RPA3: variants seen among roughly 807,000 people sequenced by gnomAD.
The protein encoded by RPA3 is replication protein A3.
A neutral mutation model predicts 13.7 loss-of-function variants in RPA3; 24 were observed. The observed-to-expected ratio is 1.75, with a 90% CI of 1.27 to 2.46. RPA3 has a LOEUF of 2.46. RPA3 is among the 30% of genes most tolerant of loss of function. The pLI is 0.00. For missense variants in RPA3, 183 were observed against 151.0 expected, an observed-to-expected ratio of 1.21 and a Z score of -1.11; for synonymous variants, 59 against 51.2, an observed-to-expected ratio of 1.15 and a Z score of -0.65.
chr7:7,700,745 A>C (rs1780440226), intron 2 of RPA3, among the ~76,000 whole-genome samples: 1 of 152,128 alleles, frequency 6.6e-6, no homozygotes. Flanking sequence ...AAAATTAGCC[A>C]GGCATGGTGG....
At chr7:7,706,281 T>C (rs1583757911) in intron 2 of RPA3, among the ~76,000 whole-genome samples, 1 of 152,252 alleles carries the variant, frequency 6.6e-6, no homozygotes, top group East Asian at 1.9e-4. Flanking sequence ...TATCTGTTGG[T>C]ACAGATTTTG....
At chr7:7,642,878 T>C (rs1341275426) in intron 4 of RPA3, among the ~76,000 whole-genome samples, 1 of 152,236 alleles carries the variant, frequency 6.6e-6, no homozygotes, top group African/African-American at 2.4e-5. Flanking sequence ...TTATCACACA[T>C]GCAGGCGTTG....
In RPA3 at chr7:7,640,817, C is replaced by T. The variant is rs1483372963; in HGVS notation, c.-399G>A. 1 of 201,560 alleles carries T rather than the reference C, an allele frequency of 5.0e-6. No homozygotes were observed. Among genetic ancestry groups the T allele is most frequent in the East Asian group, 1.6e-4 (1 of 6,304 alleles). 12.5% of individuals were successfully genotyped at this position (201,560 alleles called of 1,614,324 possible). A position where few individuals can be genotyped will look rare whatever the true frequency, so the allele number is the denominator to read the frequency against. ...TGCGGCGGGGGACTGCGGGGCCAGC[C>T]TCAGGTACCTCGTCTCGCGGGAGGC... On this transcript the variant is annotated 5_prime_UTR_variant, in exon 5 of 8. Transcript: ENST00000223129.
intron 7 of RPA3, among the ~76,000 whole-genome samples, chr7:7,637,620 T>A (rs527958738): frequency 6.6e-6 from 1 of 151,090 alleles, no homozygotes; most frequent in African/African-American, 2.4e-5. Context: ...ATGTAATACA[T>A]ACAATTTTGT....
chr7:7,705,883 G>A (rs1384884791), intron 2 of RPA3, among the ~76,000 whole-genome samples: 2 of 152,136 alleles, frequency 1.3e-5, no homozygotes, highest in African/African-American at 2.4e-5. Context: ...GGGTGTGCAT[G>A]TGTAGGGGCA....
chr7:7,703,305 A>G (rs1196694874), intron 2 of RPA3, among the ~76,000 whole-genome samples: 1 of 152,184 alleles, frequency 6.6e-6, no homozygotes, highest in Non-Finnish European at 1.5e-5. Flanking sequence ...GTGTGTTCTC[A>G]TTTAAGGTTG....
At chr7:7,673,711 C>T (rs78026790) in intron 4 of RPA3, among the ~76,000 whole-genome samples, 7,860 of 88,412 alleles carry the variant, frequency 0.089, 688 homozygotes, top group African/African-American at 0.27. Flanking sequence ...TTTTCCCCCC[C>T]TTTTTTTTTT....
At chr7:7,668,733 T>C (rs886726) in intron 4 of RPA3, among the ~76,000 whole-genome samples, 89,349 of 152,130 alleles carry the variant, frequency 0.59, 26,476 homozygotes, top group East Asian at 0.8. Context: ...AACATTGAAA[T>C]GAATGTTAGT....
intron 4 of RPA3, among the ~76,000 whole-genome samples, chr7:7,672,794 G>C (rs938821619): frequency 5.3e-5 from 8 of 152,182 alleles, no homozygotes; most frequent in African/African-American, 1.9e-4. Flanking sequence ...CTTCATAGCA[G>C]TGTGAGAATG....
At chr7:7,691,732 T>C (rs958113229) in intron 2 of RPA3, among the ~76,000 whole-genome samples, 2 of 152,208 alleles carry the variant, frequency 1.3e-5, no homozygotes, top group Non-Finnish European at 1.5e-5. Flanking sequence ...GACTGACAAA[T>C]CCCTAATTTA....
chr7:7,666,545 A>G (rs1309186878), intron 4 of RPA3, among the ~76,000 whole-genome samples: 2 of 152,082 alleles, frequency 1.3e-5, no homozygotes, highest in South Asian at 2.1e-4. Flanking sequence ...TTTAATAGGT[A>G]TATAATGGTA....
At chr7:7,688,301 G>T (rs1362860785) in intron 2 of RPA3, among the ~76,000 whole-genome samples, 1 of 152,172 alleles carries the variant, frequency 6.6e-6, no homozygotes, top group African/African-American at 2.4e-5. Flanking sequence ...GAGAGTTGTT[G>T]TCAGGTGGGG....
At chr7:7,698,103 A>C (rs748289996) in intron 2 of RPA3, among the ~76,000 whole-genome samples, 2 of 152,216 alleles carry the variant, frequency 1.3e-5, no homozygotes, top group Non-Finnish European at 2.9e-5. Flanking sequence ...AATACTTACT[A>C]AATGCCCATG....
intron 2 of RPA3, among the ~76,000 whole-genome samples, chr7:7,699,852 G>A (rs1489465936): frequency 2.0e-5 from 3 of 152,178 alleles, no homozygotes; most frequent in African/African-American, 7.2e-5. Flanking sequence ...TCTAAACTGA[G>A]CTCTGGGTTA....
intron 2 of RPA3, among the ~76,000 whole-genome samples, chr7:7,687,538 G>A (rs1780068016): frequency 6.6e-6 from 1 of 152,166 alleles, no homozygotes; most frequent in African/African-American, 2.4e-5. Flanking sequence ...AGACTGGAAG[G>A]CCGATCTATG....
At chr7:7,690,536 T>C (rs1371145749) in intron 2 of RPA3, among the ~76,000 whole-genome samples, 1 of 152,188 alleles carries the variant, frequency 6.6e-6, no homozygotes, top group Non-Finnish European at 1.5e-5. Context: ...TGCAGTTTTT[T>C]AATATTTTGC....
chr7:7,659,244 TA>T (rs1323084673), intron 4 of RPA3, among the ~76,000 whole-genome samples: 1 of 152,110 alleles, frequency 6.6e-6, no homozygotes, highest in Non-Finnish European at 1.5e-5. Flanking sequence ...GTTGATCTTT[TA>T]AAAAAGCCAG....
At chr7:7,658,236 T>C (rs1563092081) in intron 4 of RPA3, among the ~76,000 whole-genome samples, 2 of 152,260 alleles carry the variant, frequency 1.3e-5, no homozygotes, top group Non-Finnish European at 1.5e-5. Flanking sequence ...TTTCTAAATA[T>C]ACAATCATGT....
At chr7:7,672,349 T>C (rs1252721922) in intron 4 of RPA3, among the ~76,000 whole-genome samples, 1 of 152,154 alleles carries the variant, frequency 6.6e-6, no homozygotes, top group Non-Finnish European at 1.5e-5. Context: ...AAGAGGGTTG[T>C]GTATGTGTGC....
Sources: allele counts gnomAD v4.1 joint callset (sites outside exome capture counted in the v4.1 genomes callset), GRCh38; gene constraint gnomAD v4.1.1; transcripts MANE v1.5; gene names NCBI Gene and HGNC (gene_info 2026-07-23, HGNC 2026-07-21).